Variants in ICE2 observed in about 807,000 individuals in gnomAD.
ICE2 encodes the protein little elongation complex subunit 2.
Under a neutral mutation model 105.4 loss-of-function variants are expected in ICE2, and 87 were observed. The ratio of observed to expected loss-of-function variants is 0.83; its 90% CI spans 0.69 to 0.99. ICE2 has a LOEUF of 0.99. ICE2 is among the 50% of genes least tolerant of loss of function. The pLI, the probability that ICE2 is intolerant of heterozygous loss-of-function variation, is 0.00. For synonymous variants in ICE2, 399 were observed against 392.0 expected, an observed-to-expected ratio of 1.02 and a Z score of -0.21; for missense variants, 1,323 against 1,146.7, an observed-to-expected ratio of 1.15 and a Z score of -2.22.
At chr15:60,472,973 G>C (rs1052452998) in intron 3 of ICE2, among the ~76,000 whole-genome samples, 2 of 151,834 alleles carry the variant, frequency 1.3e-5, no homozygotes, top group African/African-American at 2.4e-5. Flanking sequence ...TTTGAGATGG[G>C]GTCTTGCTCT....
chr15:60,431,422 C>T (rs1201585370), intron 14 of ICE2, among the ~76,000 whole-genome samples: 2 of 152,100 alleles, frequency 1.3e-5, no homozygotes, highest in Non-Finnish European at 2.9e-5. Context: ...GATATTACCA[C>T]AAAAGGAGAG....
intron 15 of ICE2, among the ~76,000 whole-genome samples, chr15:60,428,076 A>C (rs920759092): frequency 1.3e-5 from 2 of 152,226 alleles, no homozygotes; most frequent in African/African-American, 4.8e-5. Flanking sequence ...TAAAATACTT[A>C]ATGAAATGAA....
chr15:60,424,422 G>GGGCAAAGGGGAAGAGGGGGATTAGAGTA (rs1278588145), intron 15 of ICE2, among the ~76,000 whole-genome samples: 1 of 151,476 alleles, frequency 6.6e-6, no homozygotes, highest in African/African-American at 2.4e-5. Context: ...TACAGAGGAT[G>GGGCAAAGGGGAAGAGGGGGATTAGAGTA]GGGGAAGGAA....
intron 14 of ICE2, among the ~76,000 whole-genome samples, chr15:60,430,937 C>T (rs1445485059): frequency 6.6e-6 from 1 of 152,030 alleles, no homozygotes; most frequent in Non-Finnish European, 1.5e-5. Flanking sequence ...TGCAGTGGCA[C>T]ATCTCAGCTT....
Position 60,453,602 on chromosome 15 carries a change from C to A in ICE2, c.1125+1G>T. 1 of 1,612,460 alleles carries A rather than the reference C, an allele frequency of 6.2e-7. No individual in the cohort carries two copies. ...TAGGGGAAAAAAAAAGCATTACATA[C>A]GTCCATTTCAGATATAAACTCTTCA... On this transcript the variant is annotated splice_donor_variant, in intron 9 of 15. Coordinates refer to ENST00000261520, the MANE Select transcript of ICE2 (RefSeq NM_024611.6). LOFTEE classifies it high-confidence loss of function.
chr15:60,457,156 C>T (rs566027047), intron 5 of ICE2, among the ~76,000 whole-genome samples: 1 of 152,126 alleles, frequency 6.6e-6, no homozygotes, highest in African/African-American at 2.4e-5. Context: ...AGAACATTCC[C>T]AAGCACAATG....
chr15:60,471,485 G>A (rs148973346), intron 3 of ICE2, among the ~76,000 whole-genome samples: 1 of 152,262 alleles, frequency 6.6e-6, no homozygotes, highest in East Asian at 1.9e-4. Flanking sequence ...GCCACAAACT[G>A]GCAAATTTAA....
At chr15:60,456,068 C>G (rs781058391) in intron 6 of ICE2, among the ~76,000 whole-genome samples, 1 of 151,738 alleles carries the variant, frequency 6.6e-6, no homozygotes, top group African/African-American at 2.4e-5. Flanking sequence ...AAAAAAGGGG[C>G]TTTCTGCTTG....
At chr15:60,424,420 A>ATGGGCAAAGGGGAAGAGAGGGATTAGAG (rs56371232) in intron 15 of ICE2, among the ~76,000 whole-genome samples, 1 of 149,336 alleles carries the variant, frequency 6.7e-6, no homozygotes, top group African/African-American at 2.5e-5. Context: ...AATACAGAGG[A>ATGGGCAAAGGGGAAGAGAGGGATTAGAG]TGGGGGAAGG....
intron 14 of ICE2, 107 bp from the exon 15 acceptor site, chr15:60,428,794 AC>A: frequency 9.1e-7 from 1 of 1,102,832 alleles, no homozygotes; most frequent in Non-Finnish European, 1.3e-6. Context: ...AGAAGATCAC[AC>A]CACCTCTAAA....
At chr15:60,428,095 T>C (rs930837747) in intron 15 of ICE2, among the ~76,000 whole-genome samples, 5 of 152,136 alleles carry the variant, frequency 3.3e-5, no homozygotes, top group African/African-American at 2.4e-5. Flanking sequence ...AAACCCAGTA[T>C]ATATAAATAA....
chr15:60,436,121 A>T, intron 13 of ICE2, 22 bp downstream of exon 13: 1 of 1,036,488 alleles, frequency 9.6e-7, no homozygotes, highest in Non-Finnish European at 1.4e-6. Context: ...TTCAATTCTC[A>T]CCACAAAGTA....
In ICE2 at chr15:60,449,414, T is replaced by C. The variant is rs778754689; in HGVS notation, c.1553A>G (p.Asn518Ser). The change falls in exon 10 of 16, where the codon AAT becomes AGT. Residue 518 changes from asparagine (N) to serine (S), a missense_variant. By Grantham distance (46) the Asn-to-Ser change is conservative (BLOSUM62 1). Coordinates refer to ENST00000261520, the MANE Select transcript of ICE2 (RefSeq NM_024611.6). ...ATTAGAAGTTTCAATTTCCTGAGAA[T>C]TTTCTAACTGTAAGGCATCAGATGT... ...LKTSDALQLE[N>S]SQEIETSNKN... 1.2e-6 allele frequency: 2 copies of C among 1,613,780 alleles called. No individual in the cohort carries two copies. The highest frequency in any genetic ancestry group is 1.7e-6 in the Non-Finnish European group (2 of 1,179,888).
At chr15:60,455,595 G>C (rs2064085202) in intron 6 of ICE2, among the ~76,000 whole-genome samples, 153 bp from the exon 7 acceptor site, 1 of 150,534 alleles carries the variant, frequency 6.6e-6, no homozygotes, top group South Asian at 2.1e-4. Flanking sequence ...AGATATTCAT[G>C]TTTTTGCTTA....
At chr15:60,466,414 T>C (rs902713926) in intron 5 of ICE2, among the ~76,000 whole-genome samples, 180 bp downstream of exon 5, 1 of 152,234 alleles carries the variant, frequency 6.6e-6, no homozygotes, top group Non-Finnish European at 1.5e-5. Context: ...TATACTATAG[T>C]ACACAATTTT....
chr15:60,465,531 A>G (rs901875578), intron 5 of ICE2, among the ~76,000 whole-genome samples: 4 of 152,164 alleles, frequency 2.6e-5, no homozygotes, highest in African/African-American at 9.7e-5. Flanking sequence ...CTGTCCTTCA[A>G]CTTAGACTGG....
intron 11 of ICE2, chr15:60,445,744 T>C (rs1042192339): frequency 1.0e-6 from 1 of 985,360 alleles, no homozygotes; most frequent in Non-Finnish European, 1.2e-6. Flanking sequence ...CCCTAGGCTA[T>C]TCTTACTTAA....
At chr15:60,466,453 G>A (rs2064430236) in intron 5 of ICE2, 141 bp downstream of exon 5, 4 of 805,738 alleles carry the variant, frequency 5.0e-6, no homozygotes, top group Non-Finnish European at 5.9e-6. Context: ...CTATTTTAAT[G>A]CATGATGAAG....
intron 5 of ICE2, among the ~76,000 whole-genome samples, chr15:60,457,907 G>A (rs1015500153): frequency 6.6e-6 from 1 of 152,042 alleles, no homozygotes; most frequent in Non-Finnish European, 1.5e-5. Context: ...CCCTTCCTAT[G>A]GTAGTTATTA....
Sources: allele counts gnomAD v4.1 joint callset (sites outside exome capture counted in the v4.1 genomes callset), GRCh38; gene constraint gnomAD v4.1.1; transcripts MANE v1.5; gene names NCBI Gene and HGNC (gene_info 2026-07-23, HGNC 2026-07-21).